The following BPTF variants were observed in gnomAD, a reference collection of about 807,000 sequenced individuals.
BPTF encodes bromodomain PHD finger transcription factor.
In BPTF, 18 loss-of-function variants were observed where a neutral mutation model predicts 292.5. That is an observed-to-expected ratio of 0.06 (90% CI 0.04 to 0.09). The LOEUF is 0.09. Among genes scored for constraint, BPTF ranks in the 10% least tolerant of loss-of-function variants. BPTF has a pLI of 1.00. For missense variants in BPTF, 2,726 were observed against 3,498.7 expected, an observed-to-expected ratio of 0.78 and a Z score of 5.57; for synonymous variants, 1,225 against 1,251.9, an observed-to-expected ratio of 0.98 and a Z score of 0.45.
Position 67,966,601 on chromosome 17 carries a change from A to G in BPTF, c.8484A>G (p.Glu2828=). The change falls in exon 26 of 28, where the codon GAA becomes GAG. Residue 2828 remains glutamate, a synonymous_variant. Coordinates refer to ENST00000306378, the MANE Select transcript of BPTF (RefSeq NM_182641.4). The stretch of plus-strand genomic sequence containing the variant: ...ATAAGATGGCCTGGCCTTTCCTTGA[A>G]CCAGTAGACCCTAATGATGCACCAG... ...QAHKMAWPFL[E]PVDPNDAPDY... is the part of the protein sequence containing the mutation. The G allele has an allele frequency of 2.5e-6, 4 of 1,608,534 alleles. No homozygotes were observed. Among genetic ancestry groups the G allele is most frequent in the Non-Finnish European group, 3.4e-6 (4 of 1,177,972 alleles).
At chr17:67,827,590 G>T (rs2056206307) in intron 1 of BPTF, among the ~76,000 whole-genome samples, 1 of 152,134 alleles carries the variant, frequency 6.6e-6, no homozygotes, top group Non-Finnish European at 1.5e-5. Flanking sequence ...GAAAATATTT[G>T]TGAGGAAAAA....
Position 67,912,047 on chromosome 17 carries a change from A to G in BPTF, c.4163A>G (p.Lys1388Arg). The G allele has an allele frequency of 6.2e-7, 1 of 1,611,848 alleles. No homozygotes were observed. Among genetic ancestry groups the G allele is most frequent in the Non-Finnish European group, 8.5e-7 (1 of 1,179,394 alleles). ...QIKLKNTTDK[K>R]NNENRESEKK... Reference sequence around the variant, plus strand: ...AAGCTAAAAAATACCACTGACAAAAAGAATAATGAAAATCGAGAGTCTGAA... The same window carrying G: ...AAGCTAAAAAATACCACTGACAAAAGGAATAATGAAAATCGAGAGTCTGAA... The change falls in exon 11 of 28, where the codon AAG becomes AGG. Residue 1388 changes from lysine (K) to arginine (R), a missense_variant. Around this residue, in one of 22 missense-constraint regions of BPTF, gnomAD observed 713 missense variants for 714.9 expected, o/e 1.00. Coordinates refer to ENST00000306378, the MANE Select transcript of BPTF (RefSeq NM_182641.4).
intron 11 of BPTF, among the ~76,000 whole-genome samples, chr17:67,913,873 A>G (rs1426314972): frequency 1.3e-5 from 2 of 152,198 alleles, no homozygotes; most frequent in Admixed American, 6.6e-5. Context: ...TTGTAAATGT[A>G]CAGTAATTTG....
At chr17:67,956,657 C>T in intron 23 of BPTF, 4 of 135,470 alleles carry the variant, frequency 3.0e-5, no homozygotes, top group African/African-American at 2.7e-5. Context: ...TAATTCAGTT[C>T]TACTTAAAAA....
chr17:67,920,665 G>A (rs969144738), intron 13 of BPTF, among the ~76,000 whole-genome samples: 3 of 152,100 alleles, frequency 2.0e-5, no homozygotes, highest in African/African-American at 7.2e-5. Context: ...CTAATCTCAA[G>A]GAAGCAAAGT....
chr17:67,840,553 C>T (rs1173674585), intron 1 of BPTF, among the ~76,000 whole-genome samples: 3 of 151,470 alleles, frequency 2.0e-5, no homozygotes, highest in Admixed American at 1.3e-4. Flanking sequence ...CCTCTTCCTC[C>T]TCCTCCTTTC....
At chr17:67,965,047 A>G (rs1264076432) in intron 25 of BPTF, 1 of 148,938 alleles carries the variant, frequency 6.7e-6, no homozygotes, top group African/African-American at 2.5e-5. Flanking sequence ...TTCCTTATGA[A>G]AAACAAAAAG....
In BPTF at chr17:67,825,928, G is replaced by C. The variant is rs1457825060; in HGVS notation, c.204G>C (p.Arg68Ser). 16 of 1,015,586 alleles carry C rather than the reference G, an allele frequency of 1.6e-5. No individual in the cohort carries two copies. In the South Asian group the frequency reaches 2.7e-4, roughly 17 times the overall value. 62.9% of individuals were successfully genotyped at this position (1,015,586 alleles called of 1,614,324 possible). Reference sequence around the variant, plus strand: ...CCAAGACGCGGCTGAGCTCGCCCAGGGGGGGCAGCAGTAGCCGGAGGAAGC... The same window carrying C: ...CCAAGACGCGGCTGAGCTCGCCCAGCGGGGGCAGCAGTAGCCGGAGGAAGC... Reference protein sequence around the residue: ...VAPKTRLSSPRGGSSSRRKPP... With the variant: ...VAPKTRLSSPSGGSSSRRKPP... The change falls in exon 1 of 28, where the codon AGG becomes AGC. Residue 68 changes from arginine (R) to serine (S), a missense_variant. Coordinates refer to ENST00000306378, the MANE Select transcript of BPTF (RefSeq NM_182641.4).
chr17:67,980,696 G>A (rs2070236846), intron 27 of BPTF, among the ~76,000 whole-genome samples: 1 of 152,158 alleles, frequency 6.6e-6, no homozygotes, highest in African/African-American at 2.4e-5. Flanking sequence ...AAGGGAATTG[G>A]TAAAGGAGAG....
intron 23 of BPTF, among the ~76,000 whole-genome samples, chr17:67,948,918 C>T (rs2066017010): frequency 6.6e-6 from 1 of 152,200 alleles, no homozygotes; most frequent in South Asian, 2.1e-4. Flanking sequence ...CAGGTTGAAG[C>T]TGCAGTCAGC....
chr17:67,866,931 A>T (rs2059422534), intron 3 of BPTF, among the ~76,000 whole-genome samples: 1 of 152,230 alleles, frequency 6.6e-6, no homozygotes, highest in African/African-American at 2.4e-5. Flanking sequence ...CTAGGCTGCA[A>T]ACCTGTACGT....
At chr17:67,948,364 T>C in intron 23 of BPTF, 58 bp downstream of exon 23, 1 of 1,448,464 alleles carries the variant, frequency 6.9e-7, no homozygotes, top group Non-Finnish European at 9.3e-7. Context: ...GGTTCTGCTT[T>C]TTTCCCTTGC....
chr17:67,906,354 C>T (rs1428056483), intron 9 of BPTF, among the ~76,000 whole-genome samples: 1 of 152,190 alleles, frequency 6.6e-6, no homozygotes, highest in African/African-American at 2.4e-5. Flanking sequence ...GCTGGGATTA[C>T]AGGTGTGACC....
chr17:67,868,309 C>A (rs1371540894), intron 3 of BPTF, among the ~76,000 whole-genome samples: 1 of 152,042 alleles, frequency 6.6e-6, no homozygotes, highest in Non-Finnish European at 1.5e-5. Context: ...TTTGTCCTGC[C>A]AGATGTATTC....
chr17:67,920,080 A>G lies in BPTF; in HGVS notation c.5494A>G (p.Ile1832Val). The change falls in exon 13 of 28, where the codon ATT becomes GTT. Residue 1832 changes from isoleucine to valine, a missense_variant. By Grantham distance (29) the Ile-to-Val change is conservative (BLOSUM62 3). This residue lies in a region of BPTF where 198 missense variants were observed against 277.1 expected (regional missense o/e 0.71). Transcript: ENST00000306378. ...GAGGAGAGATGTTGGTCCTTATGGCATTCGATCTGAATATTGTATCAGGAA... is the reference window on the plus strand; with the variant it reads ...GAGGAGAGATGTTGGTCCTTATGGCGTTCGATCTGAATATTGTATCAGGAA... ...IKRRDVGPYG[I>V]RSEYCIRKII... 1 of 1,612,004 alleles carries G rather than the reference A, an allele frequency of 6.2e-7. No individual in the cohort carries two copies. Among genetic ancestry groups the G allele is most frequent in the Non-Finnish European group, 8.5e-7 (1 of 1,178,182 alleles).
At chr17:67,927,858 A>G (rs911154394) in intron 15 of BPTF, among the ~76,000 whole-genome samples, 1 of 151,944 alleles carries the variant, frequency 6.6e-6, no homozygotes. Context: ...AAATATATAT[A>G]TGGCCTTCAT....
chr17:67,832,796 T>TTC (rs2056815449), intron 1 of BPTF, among the ~76,000 whole-genome samples: 1 of 143,980 alleles, frequency 6.9e-6, no homozygotes, highest in African/African-American at 2.6e-5. Context: ...TTTTTTTTTT[T>TTC]TTTTTTTTTG....
rs1458539279 is a variant in BPTF, at chr17:67,928,383, T to C, written c.5780T>C (p.Val1927Ala). Residue 1927 changes from valine to alanine, a missense_variant, in exon 16 of 28, where the codon GTG (valine) becomes GCG (alanine). By Grantham distance (64) the Val-to-Ala change is moderately conservative (BLOSUM62 0). Around this residue, in one of 22 missense-constraint regions of BPTF, gnomAD observed 198 missense variants for 277.1 expected, o/e 0.71. Transcript: ENST00000306378. ...KKRLEQQKPT[V>A]IATSTTSPTS... ...CGACTGGAGCAGCAGAAGCCGACAG[T>C]GATTGCAACTTCCACTACTTCCCCA... 1 of 1,613,392 alleles carries C rather than the reference T, an allele frequency of 6.2e-7. No homozygotes were observed. The highest frequency in any genetic ancestry group is 1.3e-5 in the African/African-American group (1 of 74,876).
At chr17:67,833,919 G>A (rs1313843074) in intron 1 of BPTF, among the ~76,000 whole-genome samples, 1 of 152,160 alleles carries the variant, frequency 6.6e-6, no homozygotes, top group Non-Finnish European at 1.5e-5. Context: ...TGGTTAGGCT[G>A]GGATGTGGTG....
Sources: allele counts gnomAD v4.1 joint callset (sites outside exome capture counted in the v4.1 genomes callset), GRCh38; gene constraint gnomAD v4.1.1; regional missense constraint gnomAD v4.1.1; transcripts MANE v1.5; gene names NCBI Gene and HGNC (gene_info 2026-07-23, HGNC 2026-07-21).